The following PCDH15 variants were observed in gnomAD, a reference collection of about 807,000 sequenced individuals.
PCDH15 encodes the protein protocadherin-15.
Under a neutral mutation model 178.5 loss-of-function variants are expected in PCDH15, and 129 were observed. The ratio of observed to expected loss-of-function variants is 0.72; its 90% CI spans 0.63 to 0.84. PCDH15 has a LOEUF of 0.84. PCDH15 is among the 40% of genes least tolerant of loss of function. PCDH15 has a pLI of 0.00. For missense variants in PCDH15, 2,230 were observed against 2,099.9 expected (o/e 1.06, Z -1.21); for synonymous variants, 800 against 732.0 (o/e 1.09, Z -1.50).
chr10:55,003,425 A>G lies in PCDH15; in HGVS notation c.-79-105925T>C, dbSNP rs550999967. Among the ~76,000 whole-genome samples, 16 of 152,272 alleles carry G rather than the reference A, an allele frequency of 1.1e-4. No individual in the cohort carries two copies. The South Asian group carries it at 3.1e-3, about 30-fold the overall frequency. On this transcript the variant is annotated intron_variant, in intron 2 of 5. Transcript: ENST00000458638. ...TAGAATGAACTAATGGAGGACAGAA[A>G]TAATATTGAAACATTGCTGTTTTTT...
At chr10:54,507,583 A>T (rs2137626287) in intron 3 of PCDH15, among the ~76,000 whole-genome samples, 1 of 152,096 alleles carries the variant, frequency 6.6e-6, no homozygotes. Context: ...AGTGCATAAC[A>T]AATTTGCATG....
intron 2 of PCDH15, among the ~76,000 whole-genome samples, chr10:54,936,171 A>T (rs904742393): frequency 6.6e-6 from 1 of 152,006 alleles, no homozygotes; most frequent in Non-Finnish European, 1.5e-5. Flanking sequence ...GGTTTCTCTC[A>T]CTTAGTGTAA....
At chr10:54,159,706 T>C (rs541737825) in intron 13 of PCDH15, among the ~76,000 whole-genome samples, 9 of 152,166 alleles carry the variant, frequency 5.9e-5, no homozygotes, top group Non-Finnish European at 1.2e-4. Flanking sequence ...ATATAATTAT[T>C]CATTACAATA....
intron 2 of PCDH15, among the ~76,000 whole-genome samples, chr10:55,590,854 G>A (rs1842830142): frequency 6.6e-6 from 1 of 151,972 alleles, no homozygotes; most frequent in African/African-American, 2.4e-5. Flanking sequence ...CTAGTAAGAG[G>A]TTTTGTTATA....
chr10:55,256,367 G>A (rs1223943345), intron 1 of PCDH15, among the ~76,000 whole-genome samples: 2 of 152,298 alleles, frequency 1.3e-5, no homozygotes, highest in East Asian at 3.9e-4. Context: ...GGGAGTGTCG[G>A]AAAGTGGGTG....
chr10:55,616,451 T>C (rs1373635877), intron 2 of PCDH15, among the ~76,000 whole-genome samples: 1 of 151,924 alleles, frequency 6.6e-6, no homozygotes, highest in Non-Finnish European at 1.5e-5. Context: ...GTTACATCTT[T>C]CAATTTTAGA....
intron 3 of PCDH15, among the ~76,000 whole-genome samples, chr10:54,433,532 T>C (rs919413792): frequency 6.6e-5 from 10 of 151,964 alleles, no homozygotes; most frequent in African/African-American, 2.4e-4. Context: ...CTCACAGAGA[T>C]AGAGAGTAGA....
chr10:55,105,147 T>C (rs1350017085), intron 2 of PCDH15, among the ~76,000 whole-genome samples: 2 of 152,238 alleles, frequency 1.3e-5, no homozygotes, highest in Admixed American at 1.3e-4. Flanking sequence ...TAAGTTTTGA[T>C]AAATTGTAAC....
At chr10:53,922,028 C>A (rs1256598402) in intron 25 of PCDH15, among the ~76,000 whole-genome samples, 1 of 150,962 alleles carries the variant, frequency 6.6e-6, no homozygotes, top group Non-Finnish European at 1.5e-5. Context: ...ATGGATTTTA[C>A]ATCATTTTAA....
At position 54,624,397 on chromosome 10, in the gene PCDH15, C is replaced by T. The variant is rs536448660; in HGVS notation, c.91+39775G>A. Among the ~76,000 whole-genome samples, 4 of 152,220 alleles carry T rather than the reference C, an allele frequency of 2.6e-5. No homozygotes were observed. In the South Asian group the frequency reaches 8.3e-4, roughly 32 times the overall value. On this transcript the variant is annotated intron_variant, in intron 2 of 37. Coordinates refer to ENST00000644397, the MANE Select transcript of PCDH15 (RefSeq NM_001384140.1). ...TTGCCTTGAATTTGTTACCTGATCC[C>T]AAGTTATGAACATTAAAAGTGTCAT...
chr10:53,811,229 T>C (rs2075852752), intron 36 of PCDH15, among the ~76,000 whole-genome samples: 2 of 152,202 alleles, frequency 1.3e-5, no homozygotes, highest in South Asian at 2.1e-4. Flanking sequence ...ATTAACATCT[T>C]ATATGAAAGA....
In PCDH15 at chr10:53,828,856, A is replaced by T. The variant is rs58380438; in HGVS notation, c.4203-283T>A. ...ACTGGATTAAAATGTAAATGTGAGA[A>T]TTTCAACTCTAGTGGAAAAATGGAA... On this transcript the variant is annotated intron_variant, in intron 30 of 37. Coordinates refer to ENST00000644397, the MANE Select transcript of PCDH15 (RefSeq NM_001384140.1). Among the ~76,000 whole-genome samples the T allele has an allele frequency of 6.5e-3, 997 of 152,298 alleles. 9 individuals carry two copies. The highest frequency in any genetic ancestry group is 0.022 in the African/African-American group (928 of 41,560).
chr10:54,921,140 TAGAAGAGTTAA>T (rs1837476498), intron 2 of PCDH15, among the ~76,000 whole-genome samples: 1 of 152,132 alleles, frequency 6.6e-6, no homozygotes, highest in Non-Finnish European at 1.5e-5. Flanking sequence ...ATCCATAACC[TAGAAGAGTTAA>T]ATTCTTGCAT....
intron 2 of PCDH15, among the ~76,000 whole-genome samples, chr10:55,490,727 T>C (rs1462822325): frequency 6.6e-6 from 1 of 151,730 alleles, no homozygotes; most frequent in African/African-American, 2.4e-5. Flanking sequence ...GAAAAAAATA[T>C]TTAAATAAAT....
intron 2 of PCDH15, among the ~76,000 whole-genome samples, chr10:55,043,498 C>T (rs960983680): frequency 6.6e-6 from 1 of 151,876 alleles, no homozygotes; most frequent in African/African-American, 2.4e-5. Flanking sequence ...TACTTGAGCC[C>T]AGAAGTGGGA....
chr10:53,938,632 T>G (rs747868389), intron 25 of PCDH15, among the ~76,000 whole-genome samples, 183 bp downstream of exon 25: 6 of 152,094 alleles, frequency 3.9e-5, no homozygotes, highest in Non-Finnish European at 8.8e-5. Flanking sequence ...ATTTCAGGAG[T>G]ATGAAATCAC....
At chr10:54,893,198 A>G (rs543249476) in intron 3 of PCDH15, among the ~76,000 whole-genome samples, 1 of 152,224 alleles carries the variant, frequency 6.6e-6, no homozygotes, top group South Asian at 2.1e-4. Context: ...ATTTTGAAAT[A>G]CACAAAAAAG....
chr10:53,884,731 G>T (rs1476844297), intron 26 of PCDH15, among the ~76,000 whole-genome samples: 3 of 152,070 alleles, frequency 2.0e-5, no homozygotes, highest in Non-Finnish European at 4.4e-5. Flanking sequence ...GACAAAACTG[G>T]CAGGACACAG....
At chr10:53,969,608 G>A (rs1282847230) in intron 21 of PCDH15, among the ~76,000 whole-genome samples, 1 of 152,182 alleles carries the variant, frequency 6.6e-6, no homozygotes, top group Admixed American at 6.5e-5. Context: ...CAGCCAGAGA[G>A]AAAGGTCTGG....
Sources: allele counts gnomAD v4.1 joint callset (sites outside exome capture counted in the v4.1 genomes callset), GRCh38; gene constraint gnomAD v4.1.1; transcripts MANE v1.5; gene names NCBI Gene and HGNC (gene_info 2026-07-23, HGNC 2026-07-21).